SCAI: variants seen among roughly 807,000 people sequenced by gnomAD.
SCAI encodes suppressor of cancer cell invasion, also known as protein SCAI.
Under a neutral mutation model 92.2 loss-of-function variants are expected in SCAI, and 24 were observed. The observed-to-expected ratio is 0.26, with a 90% CI of 0.19 to 0.37. The LOEUF (loss-of-function observed/expected upper bound fraction) is 0.37, where lower values mean the gene tolerates loss of function less well. SCAI is among the 10% of genes least tolerant of loss of function. The pLI is 1.00. For synonymous variants in SCAI, 261 were observed against 258.6 expected, an observed-to-expected ratio of 1.01 and a Z score of -0.09; for missense variants, 450 against 736.2, an observed-to-expected ratio of 0.61 and a Z score of 4.50.
In SCAI at chr9:125,058,263, C is replaced by T. The variant is rs149849213; in HGVS notation, c.99-2256G>A. 6.5e-3 allele frequency among the ~76,000 whole-genome samples: 984 copies of T among 152,098 alleles called. 7 individuals carry two copies. The highest frequency in any genetic ancestry group is 0.016 in the South Asian group (79 of 4,820). Reference sequence around the variant, plus strand: ...GTACAGTGGCTCATGCCTGTAATCCCAGCACTCTGGGAGGCCAAGGTGGGT... The same window carrying T: ...GTACAGTGGCTCATGCCTGTAATCCTAGCACTCTGGGAGGCCAAGGTGGGT... On this transcript the variant is annotated intron_variant, in intron 2 of 17. Transcript: ENST00000336505.
chr9:124,990,832 C>G (rs984548894), intron 14 of SCAI, among the ~76,000 whole-genome samples: 1 of 152,064 alleles, frequency 6.6e-6, no homozygotes, highest in Non-Finnish European at 1.5e-5. Context: ...TTTTTAGTAG[C>G]AAATCTGGAG....
chr9:125,019,271 C>A, intron 7 of SCAI, 66 bp from the exon 8 acceptor site: 1 of 860,640 alleles, frequency 1.2e-6, no homozygotes, highest in Non-Finnish European at 1.8e-6. Context: ...CCATATAGAA[C>A]CATATTCCTG....
At chr9:125,112,192 C>G (rs1047721536) in intron 2 of SCAI, among the ~76,000 whole-genome samples, 2 of 152,076 alleles carry the variant, frequency 1.3e-5, no homozygotes, top group Admixed American at 1.3e-4. Context: ...CAGCCCTAAA[C>G]GGTGATCTGA....
At chr9:125,103,203 C>A (rs1405311410) in intron 2 of SCAI, among the ~76,000 whole-genome samples, 3 of 152,154 alleles carry the variant, frequency 2.0e-5, no homozygotes, top group Non-Finnish European at 4.4e-5. Flanking sequence ...TCTCTTGAAT[C>A]CCATGACATC....
intron 2 of SCAI, among the ~76,000 whole-genome samples, chr9:125,111,105 A>G (rs539299842): frequency 7.9e-5 from 12 of 152,296 alleles, no homozygotes; most frequent in African/African-American, 2.4e-4. Flanking sequence ...TATAGATGTA[A>G]AAATCTTAAA....
intron 3 of SCAI, among the ~76,000 whole-genome samples, chr9:125,043,016 C>A (rs764725110): frequency 6.6e-6 from 1 of 151,722 alleles, no homozygotes; most frequent in Admixed American, 6.6e-5. Context: ...TGGGCATTTG[C>A]CACCATGCCT....
chr9:125,127,589 A>C (rs959301521), intron 2 of SCAI, among the ~76,000 whole-genome samples: 2 of 152,154 alleles, frequency 1.3e-5, no homozygotes, highest in Non-Finnish European at 2.9e-5. Flanking sequence ...CTTTTTGCTT[A>C]CCTGATTTCA....
chr9:125,093,817 G>A (rs1834492001), intron 2 of SCAI, among the ~76,000 whole-genome samples: 1 of 151,954 alleles, frequency 6.6e-6, no homozygotes, highest in Non-Finnish European at 1.5e-5. Context: ...GCCCTCCTCG[G>A]CCTCCCAAAG....
chr9:125,131,683 G>T (rs975334798), intron 2 of SCAI, among the ~76,000 whole-genome samples: 1 of 152,152 alleles, frequency 6.6e-6, no homozygotes, highest in Admixed American at 6.6e-5. Context: ...TGCTTTCACA[G>T]AACTGAATTT....
intron 14 of SCAI, among the ~76,000 whole-genome samples, chr9:124,977,877 G>A (rs555717402): frequency 6.6e-6 from 1 of 151,876 alleles, no homozygotes; most frequent in South Asian, 2.1e-4. Flanking sequence ...AAAGAAAGTT[G>A]GTTCCATACT....
chr9:124,994,502 T>C (rs1471879030), intron 14 of SCAI, among the ~76,000 whole-genome samples: 1 of 152,250 alleles, frequency 6.6e-6, no homozygotes, highest in Non-Finnish European at 1.5e-5. Context: ...TAAAACAGTA[T>C]GTTAATATTC....
intron 2 of SCAI, among the ~76,000 whole-genome samples, chr9:125,101,398 T>C (rs1834675571): frequency 6.6e-6 from 1 of 152,170 alleles, no homozygotes; most frequent in South Asian, 2.1e-4. Flanking sequence ...AAATGCTGAA[T>C]ATTTCCTAGA....
At chr9:125,124,368 G>A (rs146623443) in intron 2 of SCAI, among the ~76,000 whole-genome samples, 1 of 152,178 alleles carries the variant, frequency 6.6e-6, no homozygotes, top group Non-Finnish European at 1.5e-5. Flanking sequence ...AAGATTGTCA[G>A]TCAGTAAGCT....
chr9:125,110,458 G>A (rs1304393659), intron 2 of SCAI, among the ~76,000 whole-genome samples: 1 of 152,154 alleles, frequency 6.6e-6, no homozygotes, highest in Non-Finnish European at 1.5e-5. Context: ...CAGCCTGGAC[G>A]ACTGATATGG....
At chr9:125,132,126 T>C (rs1188602108) in intron 2 of SCAI, among the ~76,000 whole-genome samples, 1 of 151,942 alleles carries the variant, frequency 6.6e-6, no homozygotes, top group Non-Finnish European at 1.5e-5. Context: ...CCTTTTTTTT[T>C]TTTTTGAGAC....
At chr9:124,967,385 G>C (rs1038407055) in intron 17 of SCAI, among the ~76,000 whole-genome samples, 3 of 152,176 alleles carry the variant, frequency 2.0e-5, no homozygotes, top group South Asian at 2.1e-4. Flanking sequence ...CAGAGGCTCA[G>C]GGAGTTTGGG....
chr9:124,961,054 A>G (rs536143287), intron 17 of SCAI, among the ~76,000 whole-genome samples: 1 of 151,738 alleles, frequency 6.6e-6, no homozygotes, highest in South Asian at 2.1e-4. Flanking sequence ...AGCCCAGGAG[A>G]CTGAGGCTGC....
chr9:124,985,295 A>G (rs1564366861), intron 14 of SCAI, among the ~76,000 whole-genome samples: 2 of 152,196 alleles, frequency 1.3e-5, no homozygotes, highest in Non-Finnish European at 1.5e-5. Flanking sequence ...AACAAAAATT[A>G]GTTCCTGAGG....
At chr9:125,075,726 C>A (rs1057262562) in intron 2 of SCAI, among the ~76,000 whole-genome samples, 2 of 152,054 alleles carry the variant, frequency 1.3e-5, no homozygotes, top group African/African-American at 4.8e-5. Flanking sequence ...CCACCATGCC[C>A]GGCTAGTTTT....
Sources: allele counts gnomAD v4.1 joint callset (sites outside exome capture counted in the v4.1 genomes callset), GRCh38; gene constraint gnomAD v4.1.1; transcripts MANE v1.5; gene names NCBI Gene and HGNC (gene_info 2026-07-23, HGNC 2026-07-21).